Variants in KCNV2 observed in about 807,000 individuals in gnomAD.
KCNV2 encodes potassium voltage-gated channel modifier subfamily V member 2, also known as potassium voltage-gated channel subfamily V member 2.
In KCNV2, 65 loss-of-function variants were observed where a neutral mutation model predicts 37.0. The observed-to-expected ratio is 1.76, with a 90% CI of 1.44 to 2.16. KCNV2 has a LOEUF of 2.16. Among genes scored for constraint, KCNV2 ranks in the 30% most tolerant of loss-of-function variants. The pLI is 0.00. For missense variants in KCNV2, 1,232 were observed against 766.7 expected (o/e 1.61, Z -7.17); for synonymous variants, 518 against 328.6 (o/e 1.58, Z -6.23).
Position 2,719,083 on chromosome 9 carries a change from G to C in KCNV2, c.1344G>C (p.Trp448Cys), listed in dbSNP as rs143382624. Residue 448 changes from tryptophan (W) to cysteine (C), a missense_variant, in exon 1 of 2, where the codon TGG (tryptophan) becomes TGC (cysteine). Transcript: ENST00000382082. Reference protein sequence around the residue: ...STNFTTIPHSWWWAAVSISTV... With the variant: ...STNFTTIPHSCWWAAVSISTV... ...ACTTCACTACCATCCCCCACTCCTG[G>C]TGGTGGGCCGCGGTGAGTACCTTTG... 1.0e-4 allele frequency: 165 copies of C among 1,610,350 alleles called. No homozygotes were observed. In the East Asian group the frequency reaches 3.4e-3, roughly 33 times the overall value.
chr9:2,724,560 G>C (rs757281597), intron 1 of KCNV2, among the ~76,000 whole-genome samples: 1 of 152,210 alleles, frequency 6.6e-6, no homozygotes, highest in Non-Finnish European at 1.5e-5. Context: ...GAATAAATGG[G>C]AAAAGGTGTT....
chr9:2,723,064 G>A (rs1328290296), intron 1 of KCNV2, among the ~76,000 whole-genome samples: 3 of 152,122 alleles, frequency 2.0e-5, no homozygotes, highest in Non-Finnish European at 4.4e-5. Flanking sequence ...AAGTTATATG[G>A]CAAACAGCTT....
rs143189186 is a variant in KCNV2 at position 2,717,755 on chromosome 9, G to C, written c.16G>C (p.Glu6Gln). The change falls in exon 1 of 2, where the codon GAG (glutamate) becomes CAG (glutamine). Residue 6 changes from glutamate (E) to glutamine (Q), a missense_variant. Physicochemically the swap from Glu to Gln is conservative, Grantham distance 29 (BLOSUM62 2). Transcript: ENST00000382082. Reference protein sequence around the residue: MLKQSERRRSWSYRPW... With the variant: MLKQSQRRRSWSYRPW... ...TTCCGCAGCCATGCTCAAACAGAGTGAGAGGAGACGGTCCTGGAGCTACAG... is the reference window on the plus strand; with the variant it reads ...TTCCGCAGCCATGCTCAAACAGAGTCAGAGGAGACGGTCCTGGAGCTACAG... 80 of 1,614,200 alleles carry C rather than the reference G, an allele frequency of 5.0e-5. No individual in the cohort carries two copies. The Admixed American group carries it at 8.0e-4, about 16-fold the overall frequency.
In KCNV2 at chr9:2,717,695, T is replaced by G; in HGVS notation, c.-45T>G. 1 of 1,613,454 alleles carries G rather than the reference T, an allele frequency of 6.2e-7. No homozygotes were observed. Among genetic ancestry groups the G allele is most frequent in the Non-Finnish European group, 8.5e-7 (1 of 1,179,778 alleles). ...AGGCAGTGAGCAGGTGAGGGACCCC[T>G]ACCACAGCCAGGAGGAAAAAGCTAG... On this transcript the variant is annotated 5_prime_UTR_variant, in exon 1 of 2. Transcript: ENST00000382082.
rs1349157035 is a variant in KCNV2 at position 2,718,853 on chromosome 9, G to C, written c.1114G>C (p.Val372Leu). 6.2e-7 allele frequency: 1 copy of C among 1,609,328 alleles called. No individual in the cohort carries two copies. Among genetic ancestry groups the C allele is most frequent in the Non-Finnish European group, 8.5e-7 (1 of 1,179,958 alleles). The change falls in exon 1 of 2, where the codon GTG (valine) becomes CTG (leucine). Residue 372 changes from valine to leucine, a missense_variant. By Grantham distance (32) the Val-to-Leu change is conservative (BLOSUM62 1). Coordinates refer to ENST00000382082, the MANE Select transcript of KCNV2 (RefSeq NM_133497.4). ...RGQTVGSVGK[V>L]GQVLRVMRLM... ...CCAGACGGTGGGCAGCGTGGGTAAGGTGGGTCAGGTGTTGCGCGTCATGCG... is the reference window on the plus strand; with the variant it reads ...CCAGACGGTGGGCAGCGTGGGTAAGCTGGGTCAGGTGTTGCGCGTCATGCG...
chr9:2,729,283 T>C (rs1820021548), intron 1 of KCNV2, among the ~76,000 whole-genome samples, 163 bp from the exon 2 acceptor site: 1 of 152,200 alleles, frequency 6.6e-6, no homozygotes, highest in African/African-American at 2.4e-5. Flanking sequence ...ACACAGGTCC[T>C]AGAGGGAGTC....
chr9:2,718,059 G>C lies in KCNV2; in HGVS notation c.320G>C (p.Ser107Thr), dbSNP rs1437480349. The C allele has an allele frequency of 4.4e-6, 7 of 1,607,204 alleles. No homozygotes were observed. The South Asian group carries it at 7.7e-5, about 18-fold the overall frequency. ...STLNVNVGGH[S>T]YQLDYCELAG... The stretch of plus-strand genomic sequence containing the variant: ...CTGAATGTGAACGTGGGTGGCCACA[G>C]CTACCAGCTGGACTACTGCGAGCTG... The change falls in exon 1 of 2, where the codon AGC becomes ACC. Residue 107 changes from serine to threonine, a missense_variant. Ser to Thr is a moderately conservative substitution (Grantham distance 58). Coordinates refer to ENST00000382082, the MANE Select transcript of KCNV2 (RefSeq NM_133497.4).
In KCNV2 at chr9:2,718,890, T is replaced by G. The variant is rs1439165869; in HGVS notation, c.1151T>G (p.Ile384Ser). 10 of 1,608,870 alleles carry G rather than the reference T, an allele frequency of 6.2e-6. No individual in the cohort carries two copies. The highest frequency in any genetic ancestry group is 8.5e-6 in the Non-Finnish European group (10 of 1,180,000). ...QVLRVMRLMRIFRILKLARHS... is the reference protein window; with the variant it reads ...QVLRVMRLMRSFRILKLARHS... ...TTGCGCGTCATGCGCCTCATGCGCA[T>G]CTTCCGCATCCTCAAGCTGGCGCGC... is the stretch of plus-strand genomic sequence containing the variant. Residue 384 changes from isoleucine to serine, a missense_variant, in exon 1 of 2, where the codon ATC (isoleucine) becomes AGC (serine). Transcript: ENST00000382082.
rs760186581 is a variant in KCNV2, at chr9:2,718,778, T to A, written c.1039T>A (p.Tyr347Asn). Residue 347 changes from tyrosine (Y) to asparagine (N), a missense_variant, in exon 1 of 2, where the codon TAC (tyrosine) becomes AAC (asparagine). Transcript: ENST00000382082. ...GGACCTGGTGGCCATCCTGCCGCTC[T>A]ACCTTCAGCTGCTGCTCGAGTGCTT... ...LVDLVAILPL[Y>N]LQLLLECFTG... 22 of 1,611,078 alleles carry A rather than the reference T, an allele frequency of 1.4e-5. No homozygotes were observed. The South Asian group carries it at 2.4e-4, about 18-fold the overall frequency.
rs1412929916 is a variant in KCNV2, at chr9:2,717,957, A to T, written c.218A>T (p.Glu73Val). Residue 73 changes from glutamate to valine, a missense_variant, in exon 1 of 2, where the codon GAA (glutamate) becomes GTA (valine). Coordinates refer to ENST00000382082, the MANE Select transcript of KCNV2 (RefSeq NM_133497.4). ...EEDQWKDDLA[E>V]EDQQAGEVTT... The stretch of plus-strand genomic sequence containing the variant: ...GACCAGTGGAAGGACGACCTGGCAG[A>T]AGAGGACCAGCAGGCAGGGGAGGTC... The T allele has an allele frequency of 6.2e-7, 1 of 1,613,932 alleles. No individual in the cohort carries two copies. Among genetic ancestry groups the T allele is most frequent in the Non-Finnish European group, 8.5e-7 (1 of 1,179,928 alleles).
At chr9:2,728,424 G>A (rs1423293874) in intron 1 of KCNV2, among the ~76,000 whole-genome samples, 2 of 152,152 alleles carry the variant, frequency 1.3e-5, no homozygotes, top group East Asian at 1.9e-4. Context: ...AGTACATGAG[G>A]CATAAAAAAC....
rs192595047 is a variant in KCNV2 at position 2,729,924 on chromosome 9, G to A, written c.*197G>A. On this transcript the variant is annotated 3_prime_UTR_variant, in exon 2 of 2. Coordinates refer to ENST00000382082, the MANE Select transcript of KCNV2 (RefSeq NM_133497.4). ...GTCTCATAGTTGCTCTGTGTTGTGT[G>A]AAACATCTGACCTTCTCAATGACGT... The A allele has an allele frequency of 9.8e-6, 6 of 613,660 alleles. No homozygotes were observed. The Admixed American group carries it at 1.1e-4, about 11-fold the overall frequency. 38.0% of individuals were successfully genotyped at this position (613,660 alleles called of 1,614,324 possible). A position where few individuals can be genotyped will look rare whatever the true frequency, so the allele number is the denominator to read the frequency against.
intron 1 of KCNV2, among the ~76,000 whole-genome samples, chr9:2,723,140 T>A (rs1670886474): frequency 6.6e-6 from 1 of 152,190 alleles, no homozygotes; most frequent in African/African-American, 2.4e-5. Flanking sequence ...AATATATTAC[T>A]GCTCAAATAT....
intron 1 of KCNV2, among the ~76,000 whole-genome samples, chr9:2,722,480 T>C (rs1291786228): frequency 7.4e-6 from 1 of 135,612 alleles, no homozygotes; most frequent in Non-Finnish European, 1.6e-5. Context: ...AATAAGTTAT[T>C]TATAAATAGA....
At position 2,717,812 on chromosome 9, in the gene KCNV2, C is replaced by G; in HGVS notation, c.73C>G (p.Gln25Glu). Residue 25 changes from glutamine (Q) to glutamate (E), a missense_variant, in exon 1 of 2, where the codon CAA becomes GAA. By Grantham distance (29) the Gln-to-Glu change is conservative (BLOSUM62 2). Coordinates refer to ENST00000382082, the MANE Select transcript of KCNV2 (RefSeq NM_133497.4). Reference sequence around the variant, plus strand: ...GAACACGACGGAGAATGAGGGCAGCCAACACCGCAGGAGCATTTGCTCCCT... The same window carrying G: ...GAACACGACGGAGAATGAGGGCAGCGAACACCGCAGGAGCATTTGCTCCCT... ...PWNTTENEGSQHRRSICSLGA... is the reference protein window; with the variant it reads ...PWNTTENEGSEHRRSICSLGA... 6.2e-7 allele frequency: 1 copy of G among 1,614,220 alleles called. No individual in the cohort carries two copies. Among genetic ancestry groups the G allele is most frequent in the South Asian group, 1.1e-5 (1 of 91,082 alleles).
chr9:2,728,605 T>C (rs918438334), intron 1 of KCNV2, among the ~76,000 whole-genome samples: 14 of 152,190 alleles, frequency 9.2e-5, no homozygotes, highest in Non-Finnish European at 1.2e-4. Flanking sequence ...AACATATTTT[T>C]GGTGAGTGAT....
At chr9:2,723,114 A>G (rs561058058) in intron 1 of KCNV2, among the ~76,000 whole-genome samples, 12 of 152,324 alleles carry the variant, frequency 7.9e-5, no homozygotes, top group South Asian at 4.1e-4. Flanking sequence ...CAATAATGCA[A>G]TCTTTCTCCT....
chr9:2,729,985 T>A lies in KCNV2; in HGVS notation c.*258T>A. 2.2e-6 allele frequency: 1 copy of A among 454,276 alleles called. No individual in the cohort carries two copies. Among genetic ancestry groups the A allele is most frequent in the East Asian group, 3.6e-5 (1 of 27,476 alleles). 28.1% of individuals were successfully genotyped at this position (454,276 alleles called of 1,614,324 possible). On this transcript the variant is annotated 3_prime_UTR_variant, in exon 2 of 2. Transcript: ENST00000382082. ...AACCTGAGGGGAGCAACAGCTTAGA[T>A]TTTTCTTGTAGCTTCTCGTGGCATC...
chr9:2,718,468 G>GCGC lies in KCNV2; in HGVS notation c.734_736dup (p.Arg245dup). The GCGC allele has an allele frequency of 4.4e-6, 7 of 1,608,842 alleles. No homozygotes were observed. The South Asian group carries it at 4.4e-5, about 10-fold the overall frequency. On this transcript the variant is annotated inframe_insertion, in exon 1 of 2. Transcript: ENST00000382082. Reference sequence around the variant, plus strand: ...ACATGCGCTTCTACGGCCCGCAGCGGCGCCGCCTCTGGAACCTCATGGAGA... The same window carrying GCGC: ...ACATGCGCTTCTACGGCCCGCAGCGGCGCCGCCGCCTCTGGAACCTCATGGAGA...
Sources: gnomAD v4.1 joint callset for allele counts (sites outside exome capture counted in the v4.1 genomes callset) on GRCh38, gnomAD v4.1.1 for gene constraint, MANE v1.5 for transcripts, NCBI Gene and HGNC (gene_info 2026-07-23, HGNC 2026-07-21) for gene names.